FBXW8: variants seen among roughly 807,000 people sequenced by gnomAD.
FBXW8 encodes F-box and WD repeat domain containing 8.
FBXW8 carries 57 observed loss-of-function variants against 65.3 expected under a neutral mutation model. The observed-to-expected ratio is 0.87, with a 90% CI of 0.71 to 1.09. The LOEUF (loss-of-function observed/expected upper bound fraction) is 1.09. Ranked by LOEUF, FBXW8 falls within the 50% of genes least tolerant of loss-of-function variation. The probability of loss-of-function intolerance (pLI) is 0.00; values close to 1 mark genes in which losing one functional copy is unlikely to be tolerated. For missense variants in FBXW8, 777 were observed against 814.8 expected (o/e 0.95, Z 0.57); for synonymous variants, 308 against 330.2 (o/e 0.93, Z 0.73).
intron 5 of FBXW8, among the ~76,000 whole-genome samples, chr12:116,973,828 G>A (rs778896712): frequency 6.6e-6 from 1 of 152,144 alleles, no homozygotes; most frequent in African/African-American, 2.4e-5. Flanking sequence ...GTATATAGAA[G>A]TTCTTGCAGC....
chr12:116,977,731 C>T (rs541729637), intron 5 of FBXW8: 3 of 152,336 alleles, frequency 2.0e-5, no homozygotes, highest in Non-Finnish European at 4.4e-5. Context: ...GTTACCTGCC[C>T]TCTGGAACTT....
chr12:116,960,455 A>G (rs1307074140), intron 4 of FBXW8, among the ~76,000 whole-genome samples: 1 of 152,212 alleles, frequency 6.6e-6, no homozygotes, highest in Non-Finnish European at 1.5e-5. Context: ...CAAAACATTT[A>G]TGTTATTATC....
Position 116,911,047 on chromosome 12 carries a change from T to C in FBXW8, c.10T>C (p.Tyr4His). MDD[Y>H]SLDEFRRRWQ... is the part of the protein sequence containing the mutation. ...GCCGGGAGCGGCGAATATGGACGAC[T>C]ACAGCCTGGATGAGTTCCGTCGGCG... is the stretch of plus-strand genomic sequence containing the variant. Residue 4 changes from tyrosine (Y) to histidine (H), a missense_variant, in exon 1 of 11, where the codon TAC (tyrosine) becomes CAC (histidine). Coordinates refer to ENST00000652555, the MANE Select transcript of FBXW8 (RefSeq NM_153348.3). 1 of 1,447,924 alleles carries C rather than the reference T, an allele frequency of 6.9e-7. No individual in the cohort carries two copies. The highest frequency in any genetic ancestry group is 9.0e-7 in the Non-Finnish European group (1 of 1,108,314). The allele number at this position is 1,447,924 out of a possible 1,614,324, so 89.7% of individuals were successfully genotyped here.
intron 9 of FBXW8, among the ~76,000 whole-genome samples, chr12:117,027,039 A>G (rs1011876334): frequency 6.6e-6 from 1 of 152,082 alleles, no homozygotes; most frequent in Non-Finnish European, 1.5e-5. Context: ...GGAAAGCTCA[A>G]GGGACTTGCC....
intron 5 of FBXW8, among the ~76,000 whole-genome samples, chr12:116,971,829 G>A (rs1884666298): frequency 6.6e-6 from 1 of 152,158 alleles, no homozygotes; most frequent in Admixed American, 6.5e-5. Flanking sequence ...GGTACCAAGT[G>A]ACCACCTGCA....
chr12:116,921,170 C>G (rs564991790), intron 1 of FBXW8, among the ~76,000 whole-genome samples: 28 of 152,206 alleles, frequency 1.8e-4, no homozygotes, highest in African/African-American at 6.5e-4. Context: ...AGCCTATTCT[C>G]GTAAAAAAAG....
At chr12:116,955,891 C>G (rs1883612304) in intron 4 of FBXW8, among the ~76,000 whole-genome samples, 1 of 152,184 alleles carries the variant, frequency 6.6e-6, no homozygotes, top group Non-Finnish European at 1.5e-5. Context: ...AAGAGTGCAT[C>G]TCAGGTAGAA....
At chr12:117,024,011 A>ATCGATGTTTG in intron 8 of FBXW8, 136 bp from the exon 9 acceptor site, 1 of 803,018 alleles carries the variant, frequency 1.2e-6, no homozygotes, top group Non-Finnish European at 1.9e-6. Flanking sequence ...TGTCCTTATT[A>ATCGATGTTTG]TCGATGTTTG....
intron 4 of FBXW8, among the ~76,000 whole-genome samples, chr12:116,958,277 A>G (rs1304299459): frequency 6.6e-6 from 1 of 152,150 alleles, no homozygotes; most frequent in African/African-American, 2.4e-5. Flanking sequence ...AATAGTAAAT[A>G]CTCTTGCTTT....
chr12:116,923,866 G>A (rs958897162), intron 1 of FBXW8, among the ~76,000 whole-genome samples: 4 of 152,092 alleles, frequency 2.6e-5, no homozygotes, highest in African/African-American at 7.2e-5. Context: ...GACTACAGGC[G>A]CCTGCCACCA....
chr12:116,955,039 G>GT (rs915721130), intron 4 of FBXW8, among the ~76,000 whole-genome samples: 13 of 146,198 alleles, frequency 8.9e-5, no homozygotes, highest in Admixed American at 1.4e-4. Flanking sequence ...CTTGAAATGG[G>GT]GGGGGGGGGC....
At chr12:117,018,063 C>T (rs914220646) in intron 8 of FBXW8, among the ~76,000 whole-genome samples, 2 of 152,146 alleles carry the variant, frequency 1.3e-5, no homozygotes, top group African/African-American at 2.4e-5. Context: ...CCAACCAGAG[C>T]GTGCCTCCCT....
chr12:116,922,718 T>G (rs1054753833), intron 1 of FBXW8, among the ~76,000 whole-genome samples: 2 of 152,178 alleles, frequency 1.3e-5, no homozygotes, highest in Admixed American at 1.3e-4. Flanking sequence ...CTCTCAGTGT[T>G]TTTGGAGTAA....
At chr12:116,967,152 T>G (rs1315705134) in intron 5 of FBXW8, among the ~76,000 whole-genome samples, 2 of 151,420 alleles carry the variant, frequency 1.3e-5, no homozygotes, top group Non-Finnish European at 2.9e-5. Context: ...TGTATACTTC[T>G]CTGCACCTTT....
At chr12:116,970,737 A>G (rs1884602141) in intron 5 of FBXW8, among the ~76,000 whole-genome samples, 1 of 152,318 alleles carries the variant, frequency 6.6e-6, no homozygotes, top group East Asian at 1.9e-4. Context: ...TTGAAGTTTT[A>G]GAAGTGATTC....
At chr12:116,993,098 C>CTTTTTTTTTTTTTTTTTTT (rs71099026) in intron 7 of FBXW8, among the ~76,000 whole-genome samples, 1 of 85,420 alleles carries the variant, frequency 1.2e-5, no homozygotes, top group Admixed American at 1.9e-4. Context: ...TGATTTTTGA[C>CTTTTTTTTTTTTTTTTTTT]TTTTTTTTTT....
chr12:116,919,159 GT>G lies in FBXW8; in HGVS notation c.318+7808del, dbSNP rs1377203614. The stretch of plus-strand genomic sequence containing the variant: ...ACCGCGGATAAGGGGGGACGACTGT[GT>G]TTTCTGTTCATCCAACATATATTCA... On this transcript the variant is annotated intron_variant, in intron 1 of 10. Coordinates refer to ENST00000652555, the MANE Select transcript of FBXW8 (RefSeq NM_153348.3). 2.0e-5 allele frequency among the ~76,000 whole-genome samples: 3 copies of G among 152,200 alleles called. No individual in the cohort carries two copies. The East Asian group carries it at 5.8e-4, about 29-fold the overall frequency.
intron 5 of FBXW8, among the ~76,000 whole-genome samples, chr12:116,972,742 G>A (rs1475923462): frequency 6.6e-6 from 1 of 152,214 alleles, no homozygotes; most frequent in Non-Finnish European, 1.5e-5. Flanking sequence ...GATTGGAATA[G>A]GAGGCATCGG....
intron 7 of FBXW8, among the ~76,000 whole-genome samples, chr12:116,994,175 G>T (rs947708617): frequency 6.6e-6 from 1 of 152,134 alleles, no homozygotes; most frequent in African/African-American, 2.4e-5. Flanking sequence ...GATATGTATT[G>T]GTACTGGTGT....
Sources: allele counts gnomAD v4.1 joint callset (sites outside exome capture counted in the v4.1 genomes callset), GRCh38; gene constraint gnomAD v4.1.1; transcripts MANE v1.5; gene names NCBI Gene and HGNC (gene_info 2026-07-23, HGNC 2026-07-21).